SLC71A2: variants seen among roughly 807,000 people sequenced by gnomAD.
The protein encoded by SLC71A2 is solute carrier family 71 member 2.
At chr9:94,411,732 A>G in the SLC71A2 span, among the ~76,000 whole-genome samples, 1 of 151,940 alleles carries the variant, frequency 6.6e-6, no homozygotes, top group Admixed American at 6.6e-5. Context: ...CTGGGATTAC[A>G]GGCACCCGCC....
the SLC71A2 span, among the ~76,000 whole-genome samples, chr9:94,451,753 GTTA>G: frequency 6.6e-6 from 1 of 152,120 alleles, no homozygotes; most frequent in African/African-American, 2.4e-5. Context: ...ATGTGTAGAG[GTTA>G]TTTTCTTTTT....
the SLC71A2 span, among the ~76,000 whole-genome samples, chr9:94,422,460 A>T: frequency 1.3e-4 from 20 of 152,180 alleles, no homozygotes; most frequent in Non-Finnish European, 2.6e-4. Context: ...TATTACAAAT[A>T]TTGCTGTTGT....
chr9:94,439,858 A>C, the SLC71A2 span, among the ~76,000 whole-genome samples: 1 of 151,874 alleles, frequency 6.6e-6, no homozygotes, highest in South Asian at 2.1e-4. Context: ...TTGGTTTTCT[A>C]GGTATATTAA....
the SLC71A2 span, among the ~76,000 whole-genome samples, chr9:94,431,975 G>A: frequency 5.3e-5 from 8 of 152,130 alleles, no homozygotes; most frequent in African/African-American, 1.4e-4. Flanking sequence ...CATTTTGAAT[G>A]CTACCACCCA....
At chr9:94,390,176 T>C in the SLC71A2 span, among the ~76,000 whole-genome samples, 2 of 151,898 alleles carry the variant, frequency 1.3e-5, no homozygotes, top group Non-Finnish European at 2.9e-5. Flanking sequence ...ATCGCGCCAC[T>C]GCATTCCAGC....
the SLC71A2 span, among the ~76,000 whole-genome samples, chr9:94,455,401 A>C: frequency 3.3e-5 from 1 of 30,718 alleles, no homozygotes; most frequent in Non-Finnish European, 6.8e-5. Flanking sequence ...TTTTTTTTGT[A>C]AAGACAAGGT....
the SLC71A2 span, among the ~76,000 whole-genome samples, chr9:94,408,553 A>G: frequency 1.3e-5 from 2 of 151,306 alleles, no homozygotes; most frequent in African/African-American, 2.4e-5. Context: ...GTCTATTTAT[A>G]TTTTCTGTTT....
the SLC71A2 span, among the ~76,000 whole-genome samples, chr9:94,390,691 A>T: frequency 3.9e-4 from 59 of 152,302 alleles, no homozygotes; most frequent in East Asian, 7.5e-3. Context: ...CTGAACATTT[A>T]TGTTTTGAAA....
At chr9:94,418,450 T>G in the SLC71A2 span, among the ~76,000 whole-genome samples, 409 of 152,310 alleles carry the variant, frequency 2.7e-3, 1 homozygote, top group African/African-American at 9.4e-3. Context: ...TCACATACTT[T>G]GTTTTTTTTG....
chr9:94,388,851 G>A, the SLC71A2 span, among the ~76,000 whole-genome samples: 40 of 152,168 alleles, frequency 2.6e-4, no homozygotes, highest in Admixed American at 7.9e-4. Flanking sequence ...AAGACCAGTG[G>A]AAAGGATACA....
At chr9:94,435,510 A>T in the SLC71A2 span, among the ~76,000 whole-genome samples, 1 of 152,190 alleles carries the variant, frequency 6.6e-6, no homozygotes, top group Non-Finnish European at 1.5e-5. Context: ...TAGTTCTCCA[A>T]TCTAAAAACA....
At chr9:94,411,452 T>C in the SLC71A2 span, among the ~76,000 whole-genome samples, 2 of 151,948 alleles carry the variant, frequency 1.3e-5, no homozygotes, top group African/African-American at 2.4e-5. Flanking sequence ...GTTATCAGTT[T>C]GATTATTCCC....
chr9:94,434,492 T>C, the SLC71A2 span, among the ~76,000 whole-genome samples: 1 of 152,140 alleles, frequency 6.6e-6, no homozygotes, highest in Admixed American at 6.5e-5. Flanking sequence ...AATTTTTGTA[T>C]TTTTAGTAGA....
chr9:94,433,009 G>A, the SLC71A2 span: 23 of 442,330 alleles, frequency 5.2e-5, no homozygotes, highest in Admixed American at 5.3e-4. Flanking sequence ...TCCTCTGAAC[G>A]TTCCATCACC....
the SLC71A2 span, among the ~76,000 whole-genome samples, chr9:94,385,365 T>C: frequency 2.6e-5 from 4 of 152,220 alleles, no homozygotes; most frequent in East Asian, 1.9e-4. Flanking sequence ...TAGTTTTAAG[T>C]CTAATGATAG....
At chr9:94,427,782 T>C in the SLC71A2 span, among the ~76,000 whole-genome samples, 1 of 146,926 alleles carries the variant, frequency 6.8e-6, no homozygotes. Context: ...TCTGATCTGA[T>C]AGAGTATAGA....
the SLC71A2 span, chr9:94,441,150 G>T: frequency 2.0e-6 from 2 of 1,016,400 alleles, no homozygotes; most frequent in East Asian, 5.2e-5. Context: ...AATTAACATT[G>T]TATTAGAAAT....
At chr9:94,390,576 A>G in the SLC71A2 span, among the ~76,000 whole-genome samples, 1 of 152,098 alleles carries the variant, frequency 6.6e-6, no homozygotes, top group Admixed American at 6.6e-5. Flanking sequence ...AGGAAGATGA[A>G]AGAATGGGCT....
At chr9:94,459,420 A>AGAAAGTGG in the SLC71A2 span, 34 of 1,613,122 alleles carry the variant, frequency 2.1e-5, no homozygotes, top group South Asian at 3.7e-4. Flanking sequence ...TAAACTCGGC[A>AGAAAGTGG]GAAAGTGGGA....
Sources: allele counts gnomAD v4.1 joint callset (sites outside exome capture counted in the v4.1 genomes callset), GRCh38; gene constraint gnomAD v4.1.1; transcripts MANE v1.5; gene names NCBI Gene and HGNC (gene_info 2026-07-23, HGNC 2026-07-21).